The following RBFOX3 variants were observed in gnomAD, a reference collection of about 807,000 sequenced individuals.
RBFOX3 encodes RNA binding fox-1 homolog 3.
In RBFOX3, 17 loss-of-function variants were observed where a neutral mutation model predicts 48.7. The observed-to-expected ratio is 0.35, with a 90% CI of 0.24 to 0.52. The LOEUF is 0.52. Ranked by LOEUF, RBFOX3 falls within the 20% of genes least tolerant of loss-of-function variation. The pLI, the probability that RBFOX3 is intolerant of heterozygous loss-of-function variation, is 0.94. For synonymous variants in RBFOX3, 212 were observed against 209.5 expected (o/e 1.01, Z -0.10); for missense variants, 382 against 497.5 (o/e 0.77, Z 2.21).
At chr17:79,099,055 T>G (rs2075952894) in intron 9 of RBFOX3, 1 of 152,282 alleles carries the variant, frequency 6.6e-6, no homozygotes, top group Non-Finnish European at 1.5e-5. Flanking sequence ...CACAACCTTG[T>G]GTCTGGACGC....
chr17:79,594,817 C>A (rs2093524906), intron 1 of RBFOX3, among the ~76,000 whole-genome samples: 1 of 152,262 alleles, frequency 6.6e-6, no homozygotes, highest in South Asian at 2.1e-4. Flanking sequence ...CCTGAACATA[C>A]AAGGAAGCAC....
chr17:79,625,562 G>C, the RBFOX3 span, among the ~76,000 whole-genome samples: 4 of 152,234 alleles, frequency 2.6e-5, no homozygotes, highest in East Asian at 7.7e-4. Flanking sequence ...AGGCTGAGTG[G>C]GGGCGGATCA....
chr17:79,405,713 T>C (rs918497599), intron 2 of RBFOX3, among the ~76,000 whole-genome samples: 1 of 152,298 alleles, frequency 6.6e-6, no homozygotes, highest in African/African-American at 2.4e-5. Flanking sequence ...AGAGTGAGAC[T>C]CTATCTCAAA....
intron 2 of RBFOX3, among the ~76,000 whole-genome samples, chr17:79,470,942 A>G (rs1284651499): frequency 2.0e-5 from 3 of 152,144 alleles, no homozygotes; most frequent in Admixed American, 6.6e-5. Context: ...CATCCAAGAC[A>G]GGCCACTTAA....
chr17:79,225,665 A>C (rs1400026723), intron 4 of RBFOX3, among the ~76,000 whole-genome samples: 1 of 152,180 alleles, frequency 6.6e-6, no homozygotes, highest in Non-Finnish European at 1.5e-5. Flanking sequence ...GCGTGTGTCC[A>C]TGCCTCGAGG....
intron 3 of RBFOX3, among the ~76,000 whole-genome samples, chr17:79,256,996 G>A (rs1305566547): frequency 2.6e-5 from 4 of 152,052 alleles, no homozygotes; most frequent in Admixed American, 6.6e-5. Flanking sequence ...AGTTCGTGAC[G>A]CGGGTGGGAG....
intron 1 of RBFOX3, among the ~76,000 whole-genome samples, chr17:79,497,065 T>C (rs975544038): frequency 3.3e-5 from 5 of 152,156 alleles, no homozygotes; most frequent in African/African-American, 4.8e-5. Flanking sequence ...GCTGAGGCCA[T>C]CATGAGAGCC....
intron 4 of RBFOX3, among the ~76,000 whole-genome samples, chr17:79,137,529 C>G (rs558902502): frequency 6.6e-6 from 1 of 152,342 alleles, no homozygotes; most frequent in South Asian, 2.1e-4. Context: ...CACACCTACA[C>G]ACATTTCCCA....
chr17:79,412,882 T>A (rs952186184), intron 2 of RBFOX3, among the ~76,000 whole-genome samples: 3 of 151,824 alleles, frequency 2.0e-5, no homozygotes, highest in African/African-American at 7.3e-5. Flanking sequence ...TGTATGCACG[T>A]GTTGTGTATG....
chr17:79,300,395 G>C, intron 3 of RBFOX3, among the ~76,000 whole-genome samples: 1 of 152,182 alleles, frequency 6.6e-6, no homozygotes, highest in African/African-American at 2.4e-5. Context: ...AGGGAAGTGG[G>C]TGATTCCACC....
intron 2 of RBFOX3, among the ~76,000 whole-genome samples, chr17:79,465,207 C>T (rs782473486): frequency 5.3e-5 from 8 of 152,226 alleles, no homozygotes; most frequent in Admixed American, 1.3e-4. Flanking sequence ...CACCCCGACA[C>T]GGGAGCTGAC....
chr17:79,290,051 G>T (rs895801306), intron 3 of RBFOX3, among the ~76,000 whole-genome samples: 1 of 152,174 alleles, frequency 6.6e-6, no homozygotes, highest in East Asian at 1.9e-4. Context: ...TGCCCAGGGG[G>T]TCTGAAGGGG....
At chr17:79,279,771 C>T (rs556239493) in intron 3 of RBFOX3, among the ~76,000 whole-genome samples, 35 of 152,278 alleles carry the variant, frequency 2.3e-4, no homozygotes, top group South Asian at 8.3e-4. Context: ...GCTCCGCTGT[C>T]CACCCCAGGC....
chr17:79,588,001 CT>C (rs1487777082), intron 1 of RBFOX3, among the ~76,000 whole-genome samples: 2 of 152,126 alleles, frequency 1.3e-5, no homozygotes, highest in Admixed American at 6.5e-5. Flanking sequence ...ATGCCTGGCT[CT>C]TTTTAAAAAA....
chr17:79,609,030 G>A (rs1364112107), intron 1 of RBFOX3, among the ~76,000 whole-genome samples: 2 of 151,124 alleles, frequency 1.3e-5, no homozygotes, highest in East Asian at 2.0e-4. Context: ...GCGCCTTCTC[G>A]ACAACTTTTC....
intron 1 of RBFOX3, among the ~76,000 whole-genome samples, chr17:79,544,374 G>A (rs2090119316): frequency 6.6e-6 from 1 of 152,168 alleles, no homozygotes; most frequent in African/African-American, 2.4e-5. Flanking sequence ...GTGATTGCTG[G>A]TGTTGGTGGA....
At chr17:79,465,106 T>C (rs1310221558) in intron 2 of RBFOX3, among the ~76,000 whole-genome samples, 3 of 152,116 alleles carry the variant, frequency 2.0e-5, no homozygotes, top group Non-Finnish European at 4.4e-5. Context: ...CTGACTTCTC[T>C]CCACCTCCCT....
chr17:79,174,550 TAC>T (rs1308774927), intron 4 of RBFOX3, among the ~76,000 whole-genome samples: 1 of 148,040 alleles, frequency 6.8e-6, no homozygotes, highest in African/African-American at 2.5e-5. Context: ...CACACACTGA[TAC>T]ACAATGCACA....
intron 1 of RBFOX3, chr17:79,516,069 G>A (rs2085210748): frequency 6.6e-6 from 1 of 152,176 alleles, no homozygotes; most frequent in African/African-American, 2.4e-5. Context: ...GAGAGTCAGA[G>A]AGAGAGAGCA....
Sources: gnomAD v4.1 joint callset for allele counts (sites outside exome capture counted in the v4.1 genomes callset) on GRCh38, gnomAD v4.1.1 for gene constraint, MANE v1.5 for transcripts, NCBI Gene and HGNC (gene_info 2026-07-23, HGNC 2026-07-21) for gene names.